SMG1: variants seen among roughly 807,000 people sequenced by gnomAD.
SMG1 encodes serine/threonine-protein kinase SMG1.
In SMG1, 22 loss-of-function variants were observed where a neutral mutation model predicts 419.9. The observed-to-expected ratio is 0.05, with a 90% CI of 0.04 to 0.07. The LOEUF is 0.07. Among genes scored for constraint, SMG1 ranks in the 10% least tolerant of loss-of-function variants. SMG1 has a pLI of 1.00. For synonymous variants in SMG1, 1,538 were observed against 1,553.5 expected, an observed-to-expected ratio of 0.99 and a Z score of 0.23; for missense variants, 3,185 against 4,342.0, an observed-to-expected ratio of 0.73 and a Z score of 7.49.
Position 18,923,318 on chromosome 16 carries a change from C to T in SMG1, c.92+2632G>A, listed in dbSNP as rs147748865. On this transcript the variant is annotated intron_variant, in intron 1 of 62. Transcript: ENST00000446231. ...TTTTCCACACCAACTGGCAAACTAA[C>T]ACTAAAAGAAATCAACAAGTGTTGC... Among the ~76,000 whole-genome samples, 253 of 152,250 alleles carry T rather than the reference C, an allele frequency of 1.7e-3. 1 individual carries two copies. Among genetic ancestry groups the T allele is most frequent in the African/African-American group, 5.6e-3 (231 of 41,542 alleles).
At chr16:18,915,029 C>T (rs149765377) in intron 1 of SMG1, among the ~76,000 whole-genome samples, 4 of 147,404 alleles carry the variant, frequency 2.7e-5, no homozygotes, top group Admixed American at 7.5e-5. Flanking sequence ...CTCACTGCAA[C>T]GGCATCATCT....
intron 23 of SMG1, among the ~76,000 whole-genome samples, chr16:18,864,427 A>T (rs1218468132): frequency 6.6e-6 from 1 of 151,778 alleles, no homozygotes; most frequent in African/African-American, 2.4e-5. Context: ...TGAACTCTTG[A>T]CCTCAGGTGA....
At chr16:18,885,829 C>T (rs1270476276) in intron 6 of SMG1, among the ~76,000 whole-genome samples, 163 bp from the exon 7 acceptor site, 1 of 151,930 alleles carries the variant, frequency 6.6e-6, no homozygotes, top group Non-Finnish European at 1.5e-5. Flanking sequence ...CTTGTAAATC[C>T]CAACTACCTG....
intron 29 of SMG1, among the ~76,000 whole-genome samples, chr16:18,855,109 A>C (rs561778187): frequency 4.5e-4 from 69 of 152,376 alleles, no homozygotes; most frequent in Middle Eastern, 3.4e-3. Context: ...ACAATGAAGT[A>C]AAGTCAAGTC....
At chr16:18,836,602 GAATGTGCTCAC>G in intron 46 of SMG1, 70 bp from the exon 47 acceptor site, 1 of 1,526,638 alleles carries the variant, frequency 6.6e-7, no homozygotes, top group Non-Finnish European at 9.0e-7. Context: ...TCCTACCCTG[GAATGTGCTCAC>G]ACATGGACTG....
chr16:18,812,505 A>T (rs2031511361), intron 60 of SMG1, among the ~76,000 whole-genome samples: 1 of 151,978 alleles, frequency 6.6e-6, no homozygotes, highest in African/African-American at 2.4e-5. Context: ...ATACAATGGT[A>T]ATATGATATT....
chr16:18,858,377 C>T lies in SMG1; in HGVS notation c.4114-87G>A, dbSNP rs960632614. 2.4e-6 allele frequency: 3 copies of T among 1,250,322 alleles called. No homozygotes were observed. In the African/African-American group the frequency reaches 4.6e-5, roughly 19 times the overall value. The allele number at this position is 1,250,322 out of a possible 1,614,324, so 77.5% of individuals were successfully genotyped here. ...ATAGCAAGTCTTAAGTCCAAGACTG[C>T]AATATAGTTTGGCTACTTCAGATTG... On this transcript the variant is annotated intron_variant, in intron 28 of 62. Transcript: ENST00000446231.
intron 23 of SMG1, chr16:18,866,404 T>G (rs567915523): frequency 3.8e-5 from 22 of 586,290 alleles, no homozygotes; most frequent in African/African-American, 3.7e-4. Flanking sequence ...TGTTTTACAG[T>G]GTGATTTGCC....
At chr16:18,906,044 T>C (rs1360449239) in intron 1 of SMG1, among the ~76,000 whole-genome samples, 1 of 152,116 alleles carries the variant, frequency 6.6e-6, no homozygotes, top group Non-Finnish European at 1.5e-5. Flanking sequence ...AACTCAATGA[T>C]CCATCAACAA....
chr16:18,864,010 G>C lies in SMG1; in HGVS notation c.3485C>G (p.Ser1162Cys), dbSNP rs1261782969. The C allele has an allele frequency of 1.2e-5, 18 of 1,549,840 alleles. No individual in the cohort carries two copies. The highest frequency in any genetic ancestry group is 2.7e-5 in the African/African-American group (2 of 72,956). Residue 1162 changes from serine to cysteine, a missense_variant, in exon 24 of 63, where the codon TCT becomes TGT. Ser to Cys is a moderately radical substitution (Grantham distance 112). Around this residue, in one of 27 missense-constraint regions of SMG1, gnomAD observed 121 missense variants for 125.4 expected, o/e 0.96. Coordinates refer to ENST00000446231, the MANE Select transcript of SMG1 (RefSeq NM_015092.5). The stretch of plus-strand genomic sequence containing the variant: ...AAATACTGAACGCTCACCATTCAGA[G>C]AATGTTTCGGGCTGGCACTGTTACG... ...AGRNSASPKH[S>C]LNGESRKTVL... is the part of the protein sequence containing the mutation.
At chr16:18,860,627 T>C in intron 26 of SMG1, 40 bp downstream of exon 26, 1 of 852,028 alleles carries the variant, frequency 1.2e-6, no homozygotes, top group East Asian at 2.6e-5. Context: ...TTTGAGCAAC[T>C]TGTCCACTAA....
rs550675827 is a variant in SMG1, at chr16:18,862,134, G to C, written c.3696-1358C>G. 1.9e-4 allele frequency among the ~76,000 whole-genome samples: 29 copies of C among 152,156 alleles called. No individual in the cohort carries two copies. The South Asian group carries it at 2.5e-3, about 13-fold the overall frequency. On this transcript the variant is annotated intron_variant, in intron 25 of 62. Coordinates refer to ENST00000446231, the MANE Select transcript of SMG1 (RefSeq NM_015092.5). ...TTTCAAATGTCTCTACCACTCAATA[G>C]TATTCAATCTAGCTGCTTCTGTCTC... is the stretch of plus-strand genomic sequence containing the variant.
intron 11 of SMG1, chr16:18,878,185 C>G (rs1383606806): frequency 6.6e-6 from 1 of 151,944 alleles, no homozygotes; most frequent in Non-Finnish European, 1.5e-5. Flanking sequence ...AGGCAGATCA[C>G]GAGGTCAGGA....
At chr16:18,877,428 G>T (rs1449556290) in intron 11 of SMG1, 196 bp from the exon 12 acceptor site, 2 of 435,428 alleles carry the variant, frequency 4.6e-6, no homozygotes, top group Non-Finnish European at 8.4e-6. Context: ...GGCTTAAGAT[G>T]GAGGGAGGGA....
intron 54 of SMG1, 118 bp from the exon 55 acceptor site, chr16:18,828,286 T>C (rs2032902091): frequency 6.5e-6 from 6 of 922,028 alleles, no homozygotes; most frequent in Non-Finnish European, 9.7e-6. Flanking sequence ...CTGCAGCCAA[T>C]GGGAGGTAAG....
rs1258968022 is a variant in SMG1 at position 18,829,915 on chromosome 16, T to C, written c.9133+11A>G. ...TAGCTAAAGCTAGTATGTTTACAGG[T>C]AGAATATTACCTGACAATGTTTTAG... On this transcript the variant is annotated intron_variant, in intron 53 of 62. Transcript: ENST00000446231. The C allele has an allele frequency of 3.3e-6, 5 of 1,527,178 alleles. No individual in the cohort carries two copies. The highest frequency in any genetic ancestry group is 3.5e-6 in the Non-Finnish European group (4 of 1,139,366). The allele number at this position is 1,527,178 out of a possible 1,614,324, so 94.6% of individuals were successfully genotyped here. A position where few individuals can be genotyped will look rare whatever the true frequency, so the allele number is the denominator to read the frequency against.
Position 18,815,660 on chromosome 16 carries a change from G to A in SMG1, c.10303-9C>T, listed in dbSNP as rs886749583. ...AGAGCAGCTTCTTCATCCTAGAATTGATAAATTAATGATTAAGAAAAATAG... is the reference window on the plus strand; with the variant it reads ...AGAGCAGCTTCTTCATCCTAGAATTAATAAATTAATGATTAAGAAAAATAG... On this transcript the variant is annotated splice_polypyrimidine_tract_variant and intron_variant, in intron 58 of 62. Transcript: ENST00000446231. 7.5e-6 allele frequency: 12 copies of A among 1,606,662 alleles called. No individual in the cohort carries two copies. Among genetic ancestry groups the A allele is most frequent in the Non-Finnish European group, 1.0e-5 (12 of 1,175,114 alleles).
At position 18,854,643 on chromosome 16, in the gene SMG1, T is replaced by C. The variant is rs1351712006; in HGVS notation, c.4483+13A>G. On this transcript the variant is annotated intron_variant, in intron 30 of 62. Transcript: ENST00000446231. The stretch of plus-strand genomic sequence containing the variant: ...ATTATACTCATGTATTAACCATAAT[T>C]AATTTTACTAACCTGCTGTATAAAG... 8 of 1,607,428 alleles carry C rather than the reference T, an allele frequency of 5.0e-6. No individual in the cohort carries two copies. The highest frequency in any genetic ancestry group is 6.8e-6 in the Non-Finnish European group (8 of 1,176,832).
intron 58 of SMG1, 60 bp from the exon 59 acceptor site, chr16:18,815,711 G>C: frequency 7.2e-7 from 1 of 1,391,880 alleles, no homozygotes; most frequent in Non-Finnish European, 1.0e-6. Flanking sequence ...TTACTCTCAA[G>C]ACAGTCACCT....
Sources: gnomAD v4.1 joint callset for allele counts (sites outside exome capture counted in the v4.1 genomes callset) on GRCh38, gnomAD v4.1.1 for gene constraint, gnomAD v4.1.1 regional missense constraint, MANE v1.5 for transcripts, NCBI Gene and HGNC (gene_info 2026-07-23, HGNC 2026-07-21) for gene names.